Variants in GLP2R observed in about 807,000 individuals in gnomAD.
GLP2R encodes glucagon like peptide 2 receptor.
GLP2R carries 59 observed loss-of-function variants against 68.2 expected under a neutral mutation model. That is an observed-to-expected ratio of 0.87 (90% CI 0.70 to 1.07). GLP2R has a LOEUF of 1.07. GLP2R is among the 50% of genes least tolerant of loss of function. The probability of loss-of-function intolerance (pLI) is 0.00; values close to 1 mark genes in which losing one functional copy is unlikely to be tolerated. For synonymous variants in GLP2R, 270 were observed against 265.4 expected, an observed-to-expected ratio of 1.02 and a Z score of -0.17; for missense variants, 548 against 677.4, an observed-to-expected ratio of 0.81 and a Z score of 2.12.
chr17:9,844,160 T>C (rs2066814409), intron 4 of GLP2R, among the ~76,000 whole-genome samples: 1 of 151,828 alleles, frequency 6.6e-6, no homozygotes, highest in Non-Finnish European at 1.5e-5. Flanking sequence ...GCTGGGCAGG[T>C]GAGGTAGGGC....
chr17:9,841,630 A>G (rs1016472986), intron 3 of GLP2R, among the ~76,000 whole-genome samples: 2 of 152,174 alleles, frequency 1.3e-5, no homozygotes, highest in African/African-American at 4.8e-5. Context: ...GGTGGAGCAG[A>G]TTTTGAAAAG....
intron 4 of GLP2R, among the ~76,000 whole-genome samples, chr17:9,852,044 ATTTGTTTTTTTT>A (rs1049408560): frequency 6.0e-5 from 7 of 116,778 alleles, no homozygotes; most frequent in Non-Finnish European, 1.0e-4. Flanking sequence ...AATGTATAGC[ATTTGTTTTTTTT>A]TTTGTTTTTT....
chr17:9,830,367 T>G (rs2066669794), intron 1 of GLP2R, among the ~76,000 whole-genome samples: 1 of 152,236 alleles, frequency 6.6e-6, no homozygotes, highest in Non-Finnish European at 1.5e-5. Flanking sequence ...AAGCTTATTA[T>G]TTGGTTAGCA....
chr17:9,832,435 C>T (rs940649675), intron 1 of GLP2R, among the ~76,000 whole-genome samples: 6 of 152,080 alleles, frequency 3.9e-5, no homozygotes, highest in Admixed American at 3.3e-4. Flanking sequence ...TAGCCAGCCA[C>T]GCCTGTAATT....
At chr17:9,857,221 T>C (rs1346442765) in intron 5 of GLP2R, among the ~76,000 whole-genome samples, 1 of 152,120 alleles carries the variant, frequency 6.6e-6, no homozygotes, top group Non-Finnish European at 1.5e-5. Context: ...GCCTGGCCGG[T>C]GATAACTATT....
intron 9 of GLP2R, among the ~76,000 whole-genome samples, chr17:9,862,938 G>A (rs943233924): frequency 2.0e-5 from 3 of 152,176 alleles, no homozygotes; most frequent in African/African-American, 7.2e-5. Flanking sequence ...TTTTATAGGG[G>A]AGTTTCAATA....
chr17:9,851,544 GT>G (rs1189053034), intron 4 of GLP2R, among the ~76,000 whole-genome samples: 1 of 152,182 alleles, frequency 6.6e-6, no homozygotes, highest in Non-Finnish European at 1.5e-5. Flanking sequence ...AACAAGCACA[GT>G]TGGAGACTGA....
chr17:9,875,250 A>G (rs2067133156), intron 10 of GLP2R, among the ~76,000 whole-genome samples: 1 of 152,198 alleles, frequency 6.6e-6, no homozygotes, highest in Non-Finnish European at 1.5e-5. Context: ...TAACCCCAGC[A>G]GGGCATTGGC....
Position 9,849,931 on chromosome 17 carries a change from C to T in GLP2R, c.505-4564C>T, listed in dbSNP as rs185207660. Among the ~76,000 whole-genome samples, 536 of 152,212 alleles carry T rather than the reference C, an allele frequency of 3.5e-3. 4 individuals are homozygous for T. The highest frequency in any genetic ancestry group is 0.013 in the African/African-American group (524 of 41,532). On this transcript the variant is annotated intron_variant, in intron 4 of 12. Coordinates refer to ENST00000262441, the MANE Select transcript of GLP2R (RefSeq NM_004246.3). ...CCCAGCCTATTTCCAATATTTTATT[C>T]CTAAAACTGCCACAGTGAATAATCT... is the stretch of plus-strand genomic sequence containing the variant.
chr17:9,846,314 A>G (rs1188195426), intron 4 of GLP2R, among the ~76,000 whole-genome samples: 1 of 152,234 alleles, frequency 6.6e-6, no homozygotes, highest in Non-Finnish European at 1.5e-5. Context: ...GATACCACAT[A>G]AAGTTTAATG....
At chr17:9,851,776 T>C (rs1484653880) in intron 4 of GLP2R, among the ~76,000 whole-genome samples, 2 of 152,126 alleles carry the variant, frequency 1.3e-5, no homozygotes, top group African/African-American at 4.8e-5. Context: ...AAGGTAAATT[T>C]TTATCTCATT....
intron 10 of GLP2R, among the ~76,000 whole-genome samples, chr17:9,878,084 C>G (rs928537991): frequency 4.6e-5 from 7 of 152,100 alleles, no homozygotes; most frequent in African/African-American, 1.7e-4. Context: ...CTTGAAAACC[C>G]AGCCCACCCA....
intron 4 of GLP2R, among the ~76,000 whole-genome samples, chr17:9,852,134 A>G (rs1018390770): frequency 1.3e-5 from 2 of 151,218 alleles, no homozygotes; most frequent in East Asian, 1.9e-4. Context: ...TACATGTGCC[A>G]TGGTGGTTTG....
intron 9 of GLP2R, among the ~76,000 whole-genome samples, chr17:9,870,293 T>C (rs1329797088): frequency 6.6e-6 from 1 of 152,150 alleles, no homozygotes; most frequent in Non-Finnish European, 1.5e-5. Context: ...AAAAACTAGA[T>C]ACAAGAATGC....
chr17:9,860,895 T>G (rs1323696169), intron 7 of GLP2R, among the ~76,000 whole-genome samples: 1 of 152,204 alleles, frequency 6.6e-6, no homozygotes, highest in Non-Finnish European at 1.5e-5. Context: ...TCCTTGGATT[T>G]ATTCTCAGCT....
chr17:9,862,032 C>A lies in GLP2R; in HGVS notation c.998C>A (p.Thr333Lys), dbSNP rs1376638150. 4 of 1,613,088 alleles carry A rather than the reference C, an allele frequency of 2.5e-6. No individual in the cohort carries two copies. The highest frequency in any genetic ancestry group is 3.4e-6 in the Non-Finnish European group (4 of 1,179,050). Residue 333 changes from threonine to lysine, a missense_variant, in exon 9 of 13, where the codon ACA becomes AAA. Thr to Lys is a moderately conservative substitution (Grantham distance 78, BLOSUM62 -1). Transcript: ENST00000262441. The part of the protein sequence containing the change: ...AHLENTGCWT[T>K]NGNKKIWWII... ...ACTGTTGACCTTAGGTGCTGGACAA[C>A]AAATGGGAATAAGAAAATCTGGTGG...
At chr17:9,830,755 C>A (rs953511651) in intron 1 of GLP2R, among the ~76,000 whole-genome samples, 2 of 152,134 alleles carry the variant, frequency 1.3e-5, no homozygotes, top group Non-Finnish European at 2.9e-5. Flanking sequence ...AACATTAGAT[C>A]TCACCCCCTC....
chr17:9,850,414 CT>C (rs992859009), intron 4 of GLP2R, among the ~76,000 whole-genome samples: 1 of 152,226 alleles, frequency 6.6e-6, no homozygotes, highest in Admixed American at 6.5e-5. Flanking sequence ...GCATGCATTT[CT>C]TTGCTGGTTC....
chr17:9,863,604 C>T (rs2067006646), intron 9 of GLP2R, among the ~76,000 whole-genome samples: 1 of 152,178 alleles, frequency 6.6e-6, no homozygotes, highest in African/African-American at 2.4e-5. Flanking sequence ...TCAGACTCTC[C>T]TCTGGCTCCA....
Sources: gnomAD v4.1 joint callset for allele counts (sites outside exome capture counted in the v4.1 genomes callset) on GRCh38, gnomAD v4.1.1 for gene constraint, MANE v1.5 for transcripts, NCBI Gene and HGNC (gene_info 2026-07-23, HGNC 2026-07-21) for gene names.